The following UST variants were observed in gnomAD, a reference collection of about 807,000 sequenced individuals.
The protein encoded by UST is uronyl 2-sulfotransferase.
Under a neutral mutation model 45.6 loss-of-function variants are expected in UST, and 21 were observed. The observed-to-expected ratio is 0.46, with a 90% CI of 0.33 to 0.66. The LOEUF (loss-of-function observed/expected upper bound fraction) is 0.66. Ranked by LOEUF, UST falls within the 30% of genes least tolerant of loss-of-function variation. UST has a pLI of 0.02. For synonymous variants in UST, 215 were observed against 200.6 expected (o/e 1.07, Z -0.61); for missense variants, 463 against 512.4 (o/e 0.90, Z 0.93).
intron 2 of UST, among the ~76,000 whole-genome samples, chr6:148,910,134 CT>C (rs148286486): frequency 0.033 from 3,375 of 103,348 alleles, 41 homozygotes; most frequent in East Asian, 0.14. Context: ...GCCTGGGATG[CT>C]TTTTTTTTTT....
intron 7 of UST, among the ~76,000 whole-genome samples, chr6:149,025,335 A>G (rs1419564114): frequency 6.6e-6 from 1 of 152,202 alleles, no homozygotes; most frequent in African/African-American, 2.4e-5. Flanking sequence ...CAGTCATTTT[A>G]TGTTAATATT....
In UST at chr6:149,065,296, T is replaced by C. The variant is rs1350321324; in HGVS notation, c.938-8537T>C. Among the ~76,000 whole-genome samples the C allele has an allele frequency of 2.0e-5, 3 of 152,220 alleles. No homozygotes were observed. The East Asian group carries it at 5.8e-4, about 29-fold the overall frequency. On this transcript the variant is annotated intron_variant, in intron 7 of 7. Transcript: ENST00000367463. ...TATGGCAGTCTGGAGAGAGGCTGAT[T>C]CCATAGTCCATGTAGCTTTGTTTTG...
chr6:148,852,823 C>T (rs1195789673), intron 1 of UST, among the ~76,000 whole-genome samples: 1 of 152,174 alleles, frequency 6.6e-6, no homozygotes, highest in Admixed American at 6.5e-5. Context: ...TTCCTATCTC[C>T]AAACCTCCCC....
chr6:148,777,694 G>A (rs886786180), intron 1 of UST, among the ~76,000 whole-genome samples: 2 of 152,092 alleles, frequency 1.3e-5, no homozygotes, highest in African/African-American at 2.4e-5. Context: ...ATGGGCACCT[G>A]CCACCACACC....
intron 7 of UST, among the ~76,000 whole-genome samples, chr6:149,037,701 G>T (rs145576745): frequency 1.3e-5 from 2 of 152,370 alleles, no homozygotes; most frequent in Non-Finnish European, 2.9e-5. Context: ...GACGAGATAA[G>T]GGCAGAAATT....
intron 5 of UST, among the ~76,000 whole-genome samples, chr6:148,982,837 G>C (rs1025866559): frequency 1.7e-4 from 26 of 152,236 alleles, no homozygotes; most frequent in African/African-American, 6.3e-4. Context: ...TTTTCAAAAA[G>C]GTTTCCTTTT....
chr6:148,946,284 G>A (rs986913059), intron 3 of UST, among the ~76,000 whole-genome samples: 45 of 152,116 alleles, frequency 3.0e-4, no homozygotes, highest in African/African-American at 1.0e-3. Context: ...GGCCGAGGCG[G>A]TGGATCACCT....
In UST at chr6:148,748,062, C is replaced by CCT. The variant is rs1257276888; in HGVS notation, c.247+388_247+389dup. ...GGGAGTGGCGAAGGGAAGGGAAGGT[C>CCT]CTCTTCGTTGCATTGTTAGTGACCG... On this transcript the variant is annotated intron_variant, in intron 1 of 7. Transcript: ENST00000367463. The surrounding 1 kb of genome is among the most constrained non-coding windows in gnomAD (Gnocchi z 5.3). 6.6e-6 allele frequency among the ~76,000 whole-genome samples: 1 copy of CCT among 151,966 alleles called. No homozygotes were observed. The highest frequency in any genetic ancestry group is 1.9e-4 in the East Asian group (1 of 5,164).
chr6:149,003,084 T>A (rs761179825), intron 5 of UST, among the ~76,000 whole-genome samples: 1 of 152,120 alleles, frequency 6.6e-6, no homozygotes, highest in Non-Finnish European at 1.5e-5. Flanking sequence ...ACACAATGAG[T>A]GAATCATTTT....
chr6:148,871,507 A>G (rs1250898243), intron 1 of UST, among the ~76,000 whole-genome samples: 1 of 152,158 alleles, frequency 6.6e-6, no homozygotes, highest in Non-Finnish European at 1.5e-5. Context: ...TTTCACTCAC[A>G]TTGCTGCACA....
intron 1 of UST, among the ~76,000 whole-genome samples, chr6:148,771,812 T>A (rs185971862): frequency 6.6e-6 from 1 of 152,156 alleles, no homozygotes; most frequent in African/African-American, 2.4e-5. Context: ...AACTACTAAA[T>A]TTGTAGCTGA....
At chr6:148,921,724 GT>G (rs1172497888) in intron 2 of UST, among the ~76,000 whole-genome samples, 1 of 152,158 alleles carries the variant, frequency 6.6e-6, no homozygotes, top group Non-Finnish European at 1.5e-5. Flanking sequence ...ATCCTTGTGG[GT>G]TATGGAAGCA....
chr6:149,019,097 C>A (rs959235487), intron 5 of UST, 42 bp from the exon 6 acceptor site: 3 of 1,417,044 alleles, frequency 2.1e-6, no homozygotes, highest in Non-Finnish European at 3.0e-6. Context: ...TAGAGCCTTG[C>A]AGAGACTACA....
chr6:149,031,110 G>A (rs1286015610), intron 7 of UST, among the ~76,000 whole-genome samples: 1 of 152,072 alleles, frequency 6.6e-6, no homozygotes, highest in Non-Finnish European at 1.5e-5. Flanking sequence ...AGGAGGCTGA[G>A]GCAGGAGAAT....
chr6:148,936,010 A>T (rs894471516), intron 2 of UST, among the ~76,000 whole-genome samples: 2 of 152,194 alleles, frequency 1.3e-5, no homozygotes, highest in East Asian at 3.8e-4. Flanking sequence ...AGGAAAGAGG[A>T]TCTCTGTCAC....
chr6:148,975,024 C>T (rs1780989532), intron 5 of UST, among the ~76,000 whole-genome samples: 1 of 152,146 alleles, frequency 6.6e-6, no homozygotes, highest in South Asian at 2.1e-4. Flanking sequence ...TCAAGTTCAA[C>T]AACTAAAAAG....
chr6:148,993,601 A>C (rs1485797047), intron 5 of UST, among the ~76,000 whole-genome samples: 2 of 152,192 alleles, frequency 1.3e-5, no homozygotes, highest in Non-Finnish European at 2.9e-5. Context: ...TTTGAATTGT[A>C]ATCCCCAGTA....
At chr6:148,860,211 A>T (rs1436329720) in intron 1 of UST, among the ~76,000 whole-genome samples, 1 of 152,196 alleles carries the variant, frequency 6.6e-6, no homozygotes. Context: ...TGTCCTTCAC[A>T]TCACTTGTAC....
chr6:148,757,021 T>G (rs924259411), intron 1 of UST, among the ~76,000 whole-genome samples: 1 of 152,246 alleles, frequency 6.6e-6, no homozygotes, highest in Non-Finnish European at 1.5e-5. Context: ...ACATATAGTT[T>G]TGTTTAGAGG....
Sources: gnomAD v4.1 joint callset for allele counts (sites outside exome capture counted in the v4.1 genomes callset) on GRCh38, gnomAD v4.1.1 for gene constraint, Gnocchi (gnomAD v3.1) non-coding constraint, MANE v1.5 for transcripts, NCBI Gene and HGNC (gene_info 2026-07-23, HGNC 2026-07-21) for gene names.